KIF26B: variants seen among roughly 807,000 people sequenced by gnomAD.
KIF26B encodes the protein kinesin-like protein KIF26B.
Under a neutral mutation model 151.2 loss-of-function variants are expected in KIF26B, and 63 were observed. That is an observed-to-expected ratio of 0.42 (90% CI 0.34 to 0.51). The LOEUF (loss-of-function observed/expected upper bound fraction) is 0.51. KIF26B is among the 20% of genes least tolerant of loss of function. The pLI is 0.07. For synonymous variants in KIF26B, 1,357 were observed against 1,262.1 expected (o/e 1.08, Z -1.59); for missense variants, 2,813 against 2,913.6 (o/e 0.97, Z 0.79).
At chr1:245,438,741 A>G (rs1357316671) in intron 4 of KIF26B, among the ~76,000 whole-genome samples, 1 of 152,260 alleles carries the variant, frequency 6.6e-6, no homozygotes. Context: ...TACACGCAAC[A>G]TGACTGAATC....
chr1:245,249,395 A>G (rs368562055), intron 2 of KIF26B, among the ~76,000 whole-genome samples: 47 of 152,156 alleles, frequency 3.1e-4, no homozygotes, highest in Non-Finnish European at 5.4e-4. Context: ...CACCGCGCCC[A>G]GCCACAAGAT....
intron 3 of KIF26B, among the ~76,000 whole-genome samples, chr1:245,404,009 G>C (rs1180141905): frequency 6.6e-6 from 1 of 152,166 alleles, no homozygotes; most frequent in Non-Finnish European, 1.5e-5. Context: ...CTCTGGATCT[G>C]AGAAGCTGAC....
At chr1:245,637,319 T>A (rs1454933729) in intron 9 of KIF26B, among the ~76,000 whole-genome samples, 1 of 152,064 alleles carries the variant, frequency 6.6e-6, no homozygotes, top group Non-Finnish European at 1.5e-5. Flanking sequence ...CTTCTTCTGA[T>A]AAATGTCTAT....
chr1:245,232,900 C>T (rs1264440951), intron 2 of KIF26B, among the ~76,000 whole-genome samples: 1 of 152,170 alleles, frequency 6.6e-6, no homozygotes, highest in Non-Finnish European at 1.5e-5. Flanking sequence ...TGTGATTTGG[C>T]AATGGTTCTC....
intron 2 of KIF26B, among the ~76,000 whole-genome samples, chr1:245,189,618 A>G (rs535943440): frequency 6.6e-6 from 1 of 152,200 alleles, no homozygotes; most frequent in Non-Finnish European, 1.5e-5. Flanking sequence ...GGGGCTCCTA[A>G]ATTAGAGGTA....
At chr1:245,188,416 C>T (rs1669038590) in intron 2 of KIF26B, among the ~76,000 whole-genome samples, 1 of 152,108 alleles carries the variant, frequency 6.6e-6, no homozygotes, top group Non-Finnish European at 1.5e-5. Context: ...TCGAATAGCC[C>T]CTATTTGTCC....
chr1:245,155,153 A>C lies in KIF26B; in HGVS notation c.-272A>C. The C allele has an allele frequency of 1.8e-6, 1 of 550,016 alleles. No homozygotes were observed. The highest frequency in any genetic ancestry group is 3.1e-6 in the Non-Finnish European group (1 of 318,422). The allele number at this position is 550,016 out of a possible 1,614,324, so 34.1% of individuals were successfully genotyped here. A position where few individuals can be genotyped will look rare whatever the true frequency, so the allele number is the denominator to read the frequency against. ...CCAGTTCTGTGGATGTGGCCGTGAC[A>C]AGAGGACGTGCGGCTGGAAGAGGCA... On this transcript the variant is annotated 5_prime_UTR_variant, in exon 1 of 15. Coordinates refer to ENST00000407071, the MANE Select transcript of KIF26B (RefSeq NM_018012.4).
At chr1:245,184,073 C>CTT (rs1668960664) in intron 2 of KIF26B, among the ~76,000 whole-genome samples, 10 of 14,608 alleles carry the variant, frequency 6.8e-4, no homozygotes, top group South Asian at 5.2e-3. Flanking sequence ...TTTTTTTGAG[C>CTT]TTTCTTAAGT....
At chr1:245,353,964 T>C (rs1672626027) in intron 2 of KIF26B, 1 of 152,562 alleles carries the variant, frequency 6.6e-6, no homozygotes, top group Admixed American at 6.5e-5. Context: ...CAAGTTCAGA[T>C]GTTGCCAGGA....
chr1:245,414,308 G>A (rs1226285633), intron 3 of KIF26B, among the ~76,000 whole-genome samples: 1 of 152,220 alleles, frequency 6.6e-6, no homozygotes, highest in African/African-American at 2.4e-5. Context: ...AAATTCCAAA[G>A]CCAAGAGGAA....
At chr1:245,175,653 C>T (rs112041777) in intron 2 of KIF26B, among the ~76,000 whole-genome samples, 15 of 152,090 alleles carry the variant, frequency 9.9e-5, no homozygotes, top group South Asian at 4.2e-4. Flanking sequence ...TGTGGCAAAG[C>T]GTAGAAAGTC....
In KIF26B at chr1:245,367,766, C is replaced by T. The variant is rs544972246; in HGVS notation, c.999+399C>T. 2.4e-4 allele frequency among the ~76,000 whole-genome samples: 36 copies of T among 152,332 alleles called. No individual in the cohort carries two copies. The South Asian group carries it at 4.6e-3, about 19-fold the overall frequency. Reference sequence around the variant, plus strand: ...CCCCGACTTGTCCACTTATTAGCAGCGTGACTTGGCACAAGGGGTTTGCCC... The same window carrying T: ...CCCCGACTTGTCCACTTATTAGCAGTGTGACTTGGCACAAGGGGTTTGCCC... On this transcript the variant is annotated intron_variant, in intron 3 of 14. Transcript: ENST00000407071. This position sits in a 1 kb window ranked among gnomAD's most constrained non-coding sequence, Gnocchi z 4.2.
chr1:245,448,779 C>T (rs1225231029), intron 4 of KIF26B, among the ~76,000 whole-genome samples: 3 of 152,268 alleles, frequency 2.0e-5, no homozygotes, highest in South Asian at 4.2e-4. Context: ...GTGATGAATC[C>T]TCTTGCATAA....
intron 9 of KIF26B, among the ~76,000 whole-genome samples, chr1:245,619,638 G>A (rs1558239491): frequency 6.7e-6 from 1 of 148,736 alleles, no homozygotes; most frequent in Admixed American, 6.9e-5. Context: ...TCTGGGCTGG[G>A]CGTGGTGGCT....
intron 10 of KIF26B, among the ~76,000 whole-genome samples, chr1:245,676,931 A>G (rs970277290): frequency 6.6e-6 from 1 of 152,174 alleles, no homozygotes; most frequent in Non-Finnish European, 1.5e-5. Flanking sequence ...CAGAGCCATC[A>G]TGGTGCCAGC....
At chr1:245,240,348 A>G (rs577101881) in intron 2 of KIF26B, among the ~76,000 whole-genome samples, 101 of 152,222 alleles carry the variant, frequency 6.6e-4, no homozygotes, top group African/African-American at 2.4e-3. Context: ...AGTTGGGTTG[A>G]TCAGTCGCAC....
At position 245,515,236 on chromosome 1, in the gene KIF26B, C is replaced by T. The variant is rs147810019; in HGVS notation, c.1167-25531C>T. 3.2e-3 allele frequency among the ~76,000 whole-genome samples: 481 copies of T among 150,922 alleles called. 1 individual carries two copies. The highest frequency in any genetic ancestry group is 0.01 in the African/African-American group (432 of 41,448). Reference sequence around the variant, plus strand: ...GACGGGTCCTCCTCCTGGCTGGCTCCTTTCTTCTCTCCTTCTATGAGACTC... The same window carrying T: ...GACGGGTCCTCCTCCTGGCTGGCTCTTTTCTTCTCTCCTTCTATGAGACTC... On this transcript the variant is annotated intron_variant, in intron 4 of 14. Coordinates refer to ENST00000407071, the MANE Select transcript of KIF26B (RefSeq NM_018012.4).
intron 2 of KIF26B, among the ~76,000 whole-genome samples, chr1:245,283,652 G>A (rs1671106247): frequency 6.7e-6 from 1 of 150,106 alleles, no homozygotes; most frequent in South Asian, 2.1e-4. Context: ...GAATAGTGGT[G>A]AAAAAGAACA....
At position 245,702,340 on chromosome 1, in the gene KIF26B, G is replaced by A. The variant is rs905567367; in HGVS notation, c.6179-118G>A. On this transcript the variant is annotated intron_variant, in intron 14 of 14. Transcript: ENST00000407071. The surrounding 1 kb of genome is among the most constrained non-coding windows in gnomAD (Gnocchi z 4.1). ...AACTCTGCAGTGGCCTAAGGCAAGC[G>A]AACTAGACCTTTAGACCAAGGGGTA... 25 of 1,135,518 alleles carry A rather than the reference G, an allele frequency of 2.2e-5. No homozygotes were observed. The highest frequency in any genetic ancestry group is 2.8e-5 in the Non-Finnish European group (22 of 782,096). 70.3% of individuals were successfully genotyped at this position (1,135,518 alleles called of 1,614,324 possible).
Sources: allele counts gnomAD v4.1 joint callset (sites outside exome capture counted in the v4.1 genomes callset), GRCh38; gene constraint gnomAD v4.1.1; non-coding constraint Gnocchi (gnomAD v3.1); transcripts MANE v1.5; gene names NCBI Gene and HGNC (gene_info 2026-07-23, HGNC 2026-07-21).